Variants in RUNX3 observed in about 807,000 individuals in gnomAD.
RUNX3 encodes RUNX family transcription factor 3, also known as runt-related transcription factor 3.
In RUNX3, 10 loss-of-function variants were observed where a neutral mutation model predicts 27.7. The ratio of observed to expected loss-of-function variants is 0.36; its 90% CI spans 0.22 to 0.61. The LOEUF (loss-of-function observed/expected upper bound fraction) is 0.61. RUNX3 is among the 20% of genes least tolerant of loss of function. The probability of loss-of-function intolerance (pLI) is 0.72; values close to 1 mark genes in which losing one functional copy is unlikely to be tolerated. For synonymous variants in RUNX3, 270 were observed against 269.2 expected (o/e 1.00, Z -0.03); for missense variants, 469 against 629.5 (o/e 0.75, Z 2.73).
chr1:24,927,554 G>A lies in RUNX3; in HGVS notation c.439+20C>T, dbSNP rs771718075. 8.4e-5 allele frequency: 135 copies of A among 1,613,026 alleles called. No individual in the cohort carries two copies. Among genetic ancestry groups the A allele is most frequent in the East Asian group, 1.8e-4 (8 of 44,886 alleles). On this transcript the variant is annotated intron_variant, in intron 2 of 4. Transcript: ENST00000308873. The surrounding 1 kb of genome is among the most constrained non-coding windows in gnomAD (Gnocchi z 5.0). ...CTGCCATTGCCAATGCTGAAATGGCGAGGCCTCCCTTCCACTTACCTCGCC... is the reference window on the plus strand; with the variant it reads ...CTGCCATTGCCAATGCTGAAATGGCAAGGCCTCCCTTCCACTTACCTCGCC...
upstream of RUNX3, among the ~76,000 whole-genome samples, chr1:24,934,701 C>T (rs1641308932): frequency 6.6e-6 from 1 of 152,134 alleles, no homozygotes; most frequent in Non-Finnish European, 1.5e-5. Flanking sequence ...GGGCCAGACC[C>T]GGGTTAAAAG....
chr1:24,918,565 TTTCA>T lies in RUNX3; in HGVS notation c.544+671_544+674del, dbSNP rs554214429. Among the ~76,000 whole-genome samples the T allele has an allele frequency of 7.8e-3, 1,189 of 151,994 alleles. 10 individuals carry two copies. The highest frequency in any genetic ancestry group is 0.034 in the Middle Eastern group (10 of 294). ...GAGCTCAGGAAGCTGGCTGGCTCTA[TTTCA>T]TTCATTCATTCATTCATTCAGTCAG... On this transcript the variant is annotated intron_variant, in intron 3 of 4. Transcript: ENST00000308873.
chr1:24,952,518 G>A (rs1641791602), intron 2 of RUNX3, among the ~76,000 whole-genome samples: 1 of 152,210 alleles, frequency 6.6e-6, no homozygotes, highest in South Asian at 2.1e-4. Context: ...CTCAACAGCT[G>A]ATAACATCTG....
upstream of RUNX3, among the ~76,000 whole-genome samples, chr1:24,931,824 C>T (rs1436323744): frequency 6.6e-6 from 1 of 152,194 alleles, no homozygotes; most frequent in African/African-American, 2.4e-5. Flanking sequence ...GCCCTCAGGC[C>T]GTGTCGAAAG....
chr1:24,919,563 C>T (rs547180350), intron 2 of RUNX3: 58 of 467,834 alleles, frequency 1.2e-4, no homozygotes, highest in Middle Eastern at 1.1e-3. Flanking sequence ...TGTCAACCCC[C>T]CGCCCCATGC....
Position 24,938,561 on chromosome 1 carries a change from A to G in RUNX3, c.59-8709T>C, listed in dbSNP as rs185121578. Among the ~76,000 whole-genome samples, 82 of 152,308 alleles carry G rather than the reference A, an allele frequency of 5.4e-4. 1 individual carries two copies. In the East Asian group the frequency reaches 0.014, roughly 25 times the overall value. On this transcript the variant is annotated intron_variant, in intron 2 of 6. Transcript: ENST00000338888. ...GGTCTGTCAGGCACCCTCAGTGTCC[A>G]GGCCTGGAAATCACAGCTAAGAGTC...
At chr1:24,903,596 G>A (rs925922604) in intron 4 of RUNX3, among the ~76,000 whole-genome samples, 3 of 152,208 alleles carry the variant, frequency 2.0e-5, no homozygotes, top group Non-Finnish European at 4.4e-5. Context: ...ATTCAAAGGG[G>A]CTCAGGGATT....
chr1:24,955,110 C>T (rs1450534000), intron 2 of RUNX3, among the ~76,000 whole-genome samples: 1 of 152,176 alleles, frequency 6.6e-6, no homozygotes, highest in East Asian at 1.9e-4. Context: ...CTTGTACCAG[C>T]AAGGTTCCTT....
Position 24,943,610 on chromosome 1 carries a change from C to T in RUNX3, c.59-13758G>A, listed in dbSNP as rs1417680602. On this transcript the variant is annotated intron_variant, in intron 2 of 6. Coordinates refer to the RUNX3 transcript ENST00000338888. The surrounding 1 kb of genome is among the most constrained non-coding windows in gnomAD (Gnocchi z 4.6). ...AACAGTTGGCCAGTGCGGAGAGGAC[C>T]CCCGAAGATCTCTGAGGCTAGTCCC... Among the ~76,000 whole-genome samples the T allele has an allele frequency of 6.6e-6, 1 of 152,162 alleles. No individual in the cohort carries two copies. The highest frequency in any genetic ancestry group is 2.4e-5 in the African/African-American group (1 of 41,418).
intron 2 of RUNX3, among the ~76,000 whole-genome samples, chr1:24,926,284 A>G (rs924880453): frequency 6.6e-6 from 1 of 152,196 alleles, no homozygotes; most frequent in Non-Finnish European, 1.5e-5. Flanking sequence ...GACAAAAGGG[A>G]CTTGGAGACT....
chr1:24,928,226 A>G (rs566214142), intron 1 of RUNX3, among the ~76,000 whole-genome samples: 1 of 152,368 alleles, frequency 6.6e-6, no homozygotes, highest in South Asian at 2.1e-4. Flanking sequence ...GACCAGGCCC[A>G]GTTTATTGGC....
At chr1:24,953,363 G>GAAAA (rs71577738) in intron 2 of RUNX3, among the ~76,000 whole-genome samples, 1 of 60,710 alleles carries the variant, frequency 1.6e-5, no homozygotes, top group Non-Finnish European at 2.8e-5. Context: ...GACTCCGTCT[G>GAAAA]AAAAAAAAAA....
At chr1:24,924,561 C>A (rs1166033129) in intron 2 of RUNX3, among the ~76,000 whole-genome samples, 1 of 151,964 alleles carries the variant, frequency 6.6e-6, no homozygotes, top group Non-Finnish European at 1.5e-5. Flanking sequence ...GCAGCAAGGC[C>A]AGGTTCAGAT....
intron 2 of RUNX3, among the ~76,000 whole-genome samples, chr1:24,957,893 C>T (rs1023458893): frequency 6.6e-6 from 1 of 152,238 alleles, no homozygotes; most frequent in East Asian, 1.9e-4. Context: ...GGCTTATAGC[C>T]GCATTTTACA....
intron 2 of RUNX3, among the ~76,000 whole-genome samples, chr1:24,953,537 G>A (rs1040298077): frequency 6.6e-6 from 1 of 152,026 alleles, no homozygotes; most frequent in African/African-American, 2.4e-5. Context: ...AGTTACAGTA[G>A]CCACGTTTCA....
chr1:24,935,575 C>T (rs1641329319), intron 2 of RUNX3, among the ~76,000 whole-genome samples: 2 of 152,174 alleles, frequency 1.3e-5, no homozygotes, highest in Admixed American at 1.3e-4. Flanking sequence ...GCAGAAAAAC[C>T]GTCTCCATCG....
chr1:24,945,515 T>A (rs184970461), intron 2 of RUNX3, among the ~76,000 whole-genome samples: 1 of 152,344 alleles, frequency 6.6e-6, no homozygotes, highest in East Asian at 1.9e-4. Flanking sequence ...TTTACACTTA[T>A]TAACTCACTC....
At position 24,929,809 on chromosome 1, in the gene RUNX3, GA is replaced by G. The variant is rs1212439462; in HGVS notation, c.59del (p.Phe20SerfsTer17). 6 of 1,416,336 alleles carry G rather than the reference GA, an allele frequency of 4.2e-6. No homozygotes were observed. The highest frequency in any genetic ancestry group is 3.4e-5 in the Admixed American group (1 of 29,446). 87.7% of individuals were successfully genotyped at this position (1,416,336 alleles called of 1,614,324 possible). On this transcript the variant is annotated frameshift_variant, in exon 1 of 5. Coordinates refer to ENST00000308873, the MANE Select transcript of RUNX3 (RefSeq NM_004350.3). LOFTEE classifies it high-confidence loss of function. ...TCTTGCCGCCGCCGCCGCCGCAGGGGAAGGCCGGGGAGGGAGGTGTGAAGCG... is the reference window on the plus strand; with the variant it reads ...TCTTGCCGCCGCCGCCGCCGCAGGGGAGGCCGGGGAGGGAGGTGTGAAGCG... ...SRRFTPPSPAFPCGGGGGKMG... is the reference protein window; with the variant it reads ...SRRFTPPSPAXPCGGGGGKMG...
intron 2 of RUNX3, among the ~76,000 whole-genome samples, chr1:24,919,851 C>T (rs903345461): frequency 5.9e-5 from 9 of 151,530 alleles, no homozygotes; most frequent in Non-Finnish European, 8.8e-5. Flanking sequence ...TTTACACAGT[C>T]GCAGTGGTAC....
Sources: allele counts gnomAD v4.1 joint callset (sites outside exome capture counted in the v4.1 genomes callset), GRCh38; gene constraint gnomAD v4.1.1; non-coding constraint Gnocchi (gnomAD v3.1); transcripts MANE v1.5; gene names NCBI Gene and HGNC (gene_info 2026-07-23, HGNC 2026-07-21).